Variants in ACLY observed in about 807,000 individuals in gnomAD.
The protein encoded by ACLY is ATP-citrate synthase.
In ACLY, 41 loss-of-function variants were observed where a neutral mutation model predicts 133.0. That is an observed-to-expected ratio of 0.31 (90% CI 0.24 to 0.40). The LOEUF is 0.40. Ranked by LOEUF, ACLY falls within the 10% of genes least tolerant of loss-of-function variation. The pLI, the probability that ACLY is intolerant of heterozygous loss-of-function variation, is 1.00. For missense variants in ACLY, 1,046 were observed against 1,453.8 expected (o/e 0.72, Z 4.56); for synonymous variants, 495 against 549.3 (o/e 0.90, Z 1.38).
chr17:41,886,324 C>T lies in ACLY; in HGVS notation c.1876-16G>A, dbSNP rs1555628150. On this transcript the variant is annotated splice_polypyrimidine_tract_variant and intron_variant, in intron 17 of 28. Coordinates refer to ENST00000352035, the MANE Select transcript of ACLY (RefSeq NM_001096.3). The stretch of plus-strand genomic sequence containing the variant: ...TGCCTCCAACCTGTGGGGGCAGAAA[C>T]CACAATCAGGGAGGAAGGTGACTTC... 6.3e-7 allele frequency: 1 copy of T among 1,590,142 alleles called. No homozygotes were observed. Among genetic ancestry groups the T allele is most frequent in the Non-Finnish European group, 8.6e-7 (1 of 1,163,188 alleles).
chr17:41,929,925 T>C (rs2050296658), intron 1 of ACLY, among the ~76,000 whole-genome samples: 2 of 152,166 alleles, frequency 1.3e-5, no homozygotes, highest in Non-Finnish European at 2.9e-5. Flanking sequence ...ATTTAAACTT[T>C]AACAATGACA....
At chr17:41,875,585 G>A (rs1304953973) in intron 22 of ACLY, among the ~76,000 whole-genome samples, 2 of 152,166 alleles carry the variant, frequency 1.3e-5, no homozygotes, top group Non-Finnish European at 2.9e-5. Flanking sequence ...GCGATTGCAG[G>A]CGCGCGCCGC....
At chr17:41,882,783 T>C (rs575430372) in intron 20 of ACLY, among the ~76,000 whole-genome samples, 1 of 152,256 alleles carries the variant, frequency 6.6e-6, no homozygotes, top group South Asian at 2.1e-4. Flanking sequence ...TTGGCCTCCC[T>C]TTCATCAGCA....
At position 41,910,279 on chromosome 17, in the gene ACLY, G is replaced by C. The variant is rs782357247; in HGVS notation, c.288C>G (p.Gly96=). 1 of 1,613,522 alleles carries C rather than the reference G, an allele frequency of 6.2e-7. No individual in the cohort carries two copies. Among genetic ancestry groups the C allele is most frequent in the Non-Finnish European group, 8.5e-7 (1 of 1,179,746 alleles). ...KPRLGQEATV[G]KATGFLKNFL... is the part of the protein sequence containing the mutation. ...AGTTCTTGAGGAAGCCTGTGGCCTTGCCAACCTACAGAAAAATTGAGGGAG... is the reference window on the plus strand; with the variant it reads ...AGTTCTTGAGGAAGCCTGTGGCCTTCCCAACCTACAGAAAAATTGAGGGAG... Residue 96 remains glycine, a synonymous_variant, in exon 4 of 29, where the codon GGC becomes GGG. Transcript: ENST00000352035.
upstream of ACLY, among the ~76,000 whole-genome samples, chr17:41,923,157 C>A (rs145084378): frequency 3.2e-3 from 484 of 152,318 alleles, 1 homozygote; most frequent in African/African-American, 0.011. Flanking sequence ...CATGGCAAAA[C>A]CCCCATCTCT....
At position 41,909,813 on chromosome 17, in the gene ACLY, CA is replaced by C. The variant is rs1598037779; in HGVS notation, c.346-114del. 5.6e-6 allele frequency: 5 copies of C among 900,642 alleles called. No homozygotes were observed. The East Asian group carries it at 1.3e-4, about 24-fold the overall frequency. The allele number at this position is 900,642 out of a possible 1,614,324, so 55.8% of individuals were successfully genotyped here. On this transcript the variant is annotated intron_variant, in intron 4 of 28. Coordinates refer to ENST00000352035, the MANE Select transcript of ACLY (RefSeq NM_001096.3). ...TGTACTGGGAGAGGAAACCAATCCC[CA>C]CGGTCTCATTTTCTAAAACCCAGTG... is the stretch of plus-strand genomic sequence containing the variant.
chr17:41,920,071 T>C (rs1438583734), upstream of ACLY, among the ~76,000 whole-genome samples: 1 of 152,202 alleles, frequency 6.6e-6, no homozygotes, highest in Non-Finnish European at 1.5e-5. Flanking sequence ...GCAGCAGGCC[T>C]GTCCCCCTGC....
rs199892338 is a variant in ACLY, at chr17:41,906,659, C to G, written c.748-13G>C. On this transcript the variant is annotated splice_polypyrimidine_tract_variant and intron_variant, in intron 7 of 28. Coordinates refer to ENST00000352035, the MANE Select transcript of ACLY (RefSeq NM_001096.3). ...CAATGTAGGCTTCCTGGGGACCAGA[C>G]AGCAACAGGTAGGCCCTTGGGGTAC... 1.2e-5 allele frequency: 19 copies of G among 1,611,438 alleles called. No individual in the cohort carries two copies. The highest frequency in any genetic ancestry group is 2.2e-5 in the East Asian group (1 of 44,866).
intron 25 of ACLY, among the ~76,000 whole-genome samples, chr17:41,870,063 GCTGTGAATGAAATTAACCAC>G (rs2048560658): frequency 6.6e-6 from 1 of 152,178 alleles, no homozygotes; most frequent in Non-Finnish European, 1.5e-5. Context: ...CTCTAGACCT[GCTGTGAATGAAATTAACCAC>G]CTGTCAGTTG....
chr17:41,905,011 G>A (rs189260507), intron 9 of ACLY, among the ~76,000 whole-genome samples: 1 of 152,106 alleles, frequency 6.6e-6, no homozygotes, highest in East Asian at 1.9e-4. Flanking sequence ...AAACCCACAG[G>A]AGCACTACAT....
chr17:41,872,132 G>C lies in ACLY; in HGVS notation c.2693C>G (p.Ala898Gly). The part of the protein sequence containing the change: ...QFIEMCLMVT[A>G]DHGPAVSGAH... ...TCCAGAGACGGCTGGCCCGTGATCA[G>C]CTGTCACCATCAGACACATCTCAAT... Residue 898 changes from alanine (A) to glycine (G), a missense_variant, in exon 24 of 29, where the codon GCT (alanine) becomes GGT (glycine). By Grantham distance (60) the Ala-to-Gly change is moderately conservative. Transcript: ENST00000352035. 2 of 1,614,054 alleles carry C rather than the reference G, an allele frequency of 1.2e-6. No individual in the cohort carries two copies. The highest frequency in any genetic ancestry group is 1.7e-6 in the Non-Finnish European group (2 of 1,180,024).
In ACLY at chr17:41,912,403, AC is replaced by A; in HGVS notation, c.282+16del. On this transcript the variant is annotated intron_variant, in intron 3 of 28. Transcript: ENST00000352035. ...TCTGTTACCACACACGTTCATCCTGACCCCATGCCCACTCACTGTGGCTTCC... is the reference window on the plus strand; with the variant it reads ...TCTGTTACCACACACGTTCATCCTGACCCATGCCCACTCACTGTGGCTTCC... 9 of 1,612,830 alleles carry A rather than the reference AC, an allele frequency of 5.6e-6. No homozygotes were observed. The highest frequency in any genetic ancestry group is 7.6e-6 in the Non-Finnish European group (9 of 1,179,454).
chr17:41,897,626 G>T, intron 13 of ACLY, 123 bp downstream of exon 13: 1 of 930,708 alleles, frequency 1.1e-6, no homozygotes. Context: ...CACTCCCATT[G>T]CAAAACCCAA....
At chr17:41,889,893 G>A (rs910667396) in intron 16 of ACLY, among the ~76,000 whole-genome samples, 4 of 151,832 alleles carry the variant, frequency 2.6e-5, no homozygotes, top group African/African-American at 7.3e-5. Flanking sequence ...GGCTGGTCTC[G>A]AACTCCTGAC....
At chr17:41,881,485 AT>A (rs2048917102) in intron 20 of ACLY, among the ~76,000 whole-genome samples, 1 of 151,648 alleles carries the variant, frequency 6.6e-6, no homozygotes, top group African/African-American at 2.4e-5. Flanking sequence ...CTGACAAGGC[AT>A]GGGAAAAAAA....
chr17:41,914,727 C>T (rs1289678616), intron 1 of ACLY, among the ~76,000 whole-genome samples: 1 of 152,158 alleles, frequency 6.6e-6, no homozygotes, highest in Non-Finnish European at 1.5e-5. Flanking sequence ...GTGGTCACTT[C>T]TAACTGGGGC....
intron 11 of ACLY, among the ~76,000 whole-genome samples, chr17:41,899,533 G>A (rs1250546764): frequency 1.3e-5 from 2 of 152,042 alleles, no homozygotes; most frequent in African/African-American, 4.8e-5. Context: ...TGGTCTCCCA[G>A]CTCAACCCAA....
intron 21 of ACLY, 43 bp from the exon 22 acceptor site, chr17:41,878,239 T>C (rs2048813279): frequency 1.4e-6 from 2 of 1,439,312 alleles, no homozygotes; most frequent in Non-Finnish European, 1.9e-6. Context: ...GATTTTCTTA[T>C]TTTGGGCTCC....
At chr17:41,899,676 A>C (rs1555631170) in intron 11 of ACLY, among the ~76,000 whole-genome samples, 1 of 152,118 alleles carries the variant, frequency 6.6e-6, no homozygotes, top group Non-Finnish European at 1.5e-5. Context: ...TAATTTTAAG[A>C]GCATGATCTG....
Sources: allele counts gnomAD v4.1 joint callset (sites outside exome capture counted in the v4.1 genomes callset), GRCh38; gene constraint gnomAD v4.1.1; transcripts MANE v1.5; gene names NCBI Gene and HGNC (gene_info 2026-07-23, HGNC 2026-07-21).